ENPP3: variants seen among roughly 807,000 people sequenced by gnomAD.
ENPP3 encodes the protein ectonucleotide pyrophosphatase/phosphodiesterase 3.
ENPP3 carries 104 observed loss-of-function variants against 117.8 expected under a neutral mutation model. That is an observed-to-expected ratio of 0.88 (90% confidence interval 0.75 to 1.04). The LOEUF is 1.04. ENPP3 is among the 50% of genes least tolerant of loss of function. The probability of loss-of-function intolerance (pLI) is 0.00; values close to 1 mark genes in which losing one functional copy is unlikely to be tolerated. For synonymous variants in ENPP3, 380 were observed against 349.9 expected (o/e 1.09, Z -0.96); for missense variants, 1,026 against 1,051.9 (o/e 0.98, Z 0.34).
chr6:131,640,125 T>C (rs1411617473), intron 1 of ENPP3, among the ~76,000 whole-genome samples: 2 of 152,178 alleles, frequency 1.3e-5, no homozygotes, highest in African/African-American at 4.8e-5. Context: ...TAAGAACAGC[T>C]AGATGTTGTT....
chr6:131,727,920 C>A (rs1780193436), intron 20 of ENPP3, among the ~76,000 whole-genome samples: 1 of 152,244 alleles, frequency 6.6e-6, no homozygotes. Flanking sequence ...TTTACCTACT[C>A]TTCCTGTTCC....
At chr6:131,733,077 A>G (rs1389795619) in intron 20 of ENPP3, among the ~76,000 whole-genome samples, 2 of 152,156 alleles carry the variant, frequency 1.3e-5, no homozygotes, top group Admixed American at 1.3e-4. Flanking sequence ...TGAATGAAGC[A>G]TGGCTGTAAA....
In ENPP3 at chr6:131,677,649, C is replaced by T. The variant is rs539015042; in HGVS notation, c.939-219C>T. ...ACAAAACAGAGTTTCACAATAGGGG[C>T]GTACCACTGCTTGTATCTGGGAAGG... On this transcript the variant is annotated intron_variant, in intron 10 of 24. Coordinates refer to ENST00000357639, the MANE Select transcript of ENPP3 (RefSeq NM_005021.5). 1.1e-4 allele frequency among the ~76,000 whole-genome samples: 17 copies of T among 152,152 alleles called. No individual in the cohort carries two copies. The East Asian group carries it at 1.4e-3, about 12-fold the overall frequency.
At chr6:131,698,102 G>GGTGT (rs748290127) in intron 15 of ENPP3, among the ~76,000 whole-genome samples, 1 of 151,700 alleles carries the variant, frequency 6.6e-6, no homozygotes, top group Non-Finnish European at 1.5e-5. Flanking sequence ...TATGTGTGTG[G>GGTGT]GTGTGTGTGT....
At chr6:131,643,935 G>T (rs938239429) in intron 2 of ENPP3, among the ~76,000 whole-genome samples, 1 of 139,004 alleles carries the variant, frequency 7.2e-6, no homozygotes, top group African/African-American at 3.1e-5. Context: ...GTGTGTGTGT[G>T]TGTGTGTCTG....
At chr6:131,670,257 T>C (rs1000254895) in intron 6 of ENPP3, among the ~76,000 whole-genome samples, 39 of 152,244 alleles carry the variant, frequency 2.6e-4, no homozygotes, top group African/African-American at 8.9e-4. Flanking sequence ...CTTTTTCATT[T>C]GTCTAGACAG....
intron 1 of ENPP3, chr6:131,638,439 T>A (rs899753372): frequency 4.6e-6 from 2 of 438,460 alleles, no homozygotes; most frequent in Non-Finnish European, 4.5e-6. Context: ...TTTAATTTTA[T>A]TTTTGAGACA....
intron 6 of ENPP3, among the ~76,000 whole-genome samples, chr6:131,665,778 T>A (rs1394998555): frequency 2.0e-5 from 3 of 152,148 alleles, no homozygotes; most frequent in African/African-American, 7.2e-5. Context: ...TTTAGTTTGT[T>A]CCTTTTTCTG....
chr6:131,728,517 C>G (rs453639), intron 20 of ENPP3, among the ~76,000 whole-genome samples: 1 of 152,014 alleles, frequency 6.6e-6, no homozygotes, highest in South Asian at 2.1e-4. Flanking sequence ...TTCTCCTTCC[C>G]TGTGACAGGA....
intron 15 of ENPP3, among the ~76,000 whole-genome samples, chr6:131,698,281 G>T (rs1239920498): frequency 2.0e-5 from 3 of 148,810 alleles, no homozygotes; most frequent in Non-Finnish European, 4.5e-5. Flanking sequence ...AATGTCTATT[G>T]TGAAATGGAG....
chr6:131,677,864 C>T lies in ENPP3; in HGVS notation c.939-4C>T, dbSNP rs1317598992. ...ATATATTTCTGTTTCAATTTTACCC[C>T]TAGACCCAGGTTTTATACCATGTAT... On this transcript the variant is annotated splice_region_variant and splice_polypyrimidine_tract_variant and intron_variant, in intron 10 of 24. Transcript: ENST00000357639. The T allele has an allele frequency of 3.8e-6, 6 of 1,591,564 alleles. No homozygotes were observed. The highest frequency in any genetic ancestry group is 5.2e-6 in the Non-Finnish European group (6 of 1,159,932).
At chr6:131,669,672 A>G (rs1037909585) in intron 6 of ENPP3, among the ~76,000 whole-genome samples, 4 of 148,244 alleles carry the variant, frequency 2.7e-5, no homozygotes, top group East Asian at 2.0e-4. Flanking sequence ...AAAAAAAAAA[A>G]AAAAAAAGAA....
At chr6:131,661,960 G>A (rs1262292844) in intron 6 of ENPP3, among the ~76,000 whole-genome samples, 2 of 152,162 alleles carry the variant, frequency 1.3e-5, no homozygotes, top group Non-Finnish European at 2.9e-5. Flanking sequence ...TCATGTTCAT[G>A]AAATCATTGC....
At chr6:131,729,453 A>C (rs1780228018) in intron 20 of ENPP3, among the ~76,000 whole-genome samples, 1 of 152,250 alleles carries the variant, frequency 6.6e-6, no homozygotes, top group Non-Finnish European at 1.5e-5. Flanking sequence ...CCAGACTAAA[A>C]GTACAAGCAG....
intron 15 of ENPP3, chr6:131,709,491 A>C (rs772106528): frequency 6.2e-7 from 1 of 1,612,846 alleles, no homozygotes; most frequent in Non-Finnish European, 8.5e-7. Flanking sequence ...CTGTATTTGA[A>C]ACATCGAGTG....
intron 18 of ENPP3, among the ~76,000 whole-genome samples, chr6:131,723,777 C>G (rs767493041): frequency 4.7e-5 from 7 of 150,464 alleles, no homozygotes; most frequent in Non-Finnish European, 1.0e-4. Flanking sequence ...ATGCTTTGCC[C>G]CATTATCAAT....
chr6:131,637,483 T>C, intron 1 of ENPP3, 21 bp downstream of exon 1: 2 of 1,325,796 alleles, frequency 1.5e-6, no homozygotes, highest in African/African-American at 1.5e-5. Flanking sequence ...TTCTTATTTT[T>C]AGTCTTTCTA....
rs1292284422 is a variant in ENPP3, at chr6:131,675,151, A to G, written c.834A>G (p.Ile278Met). The change falls in exon 9 of 25, where the codon ATA becomes ATG. Residue 278 changes from isoleucine (I) to methionine (M), a missense_variant. Transcript: ENST00000357639. ...TTTGGCCCGGATCAGAAGTGGCTAT[A>G]AATGGCTCCTTTCCTTCCATATACA... is the stretch of plus-strand genomic sequence containing the variant. Reference protein sequence around the residue: ...TYFWPGSEVAINGSFPSIYMP... With the variant: ...TYFWPGSEVAMNGSFPSIYMP... 1 of 1,613,252 alleles carries G rather than the reference A, an allele frequency of 6.2e-7. No individual in the cohort carries two copies. Among genetic ancestry groups the G allele is most frequent in the South Asian group, 1.1e-5 (1 of 91,056 alleles).
intron 6 of ENPP3, among the ~76,000 whole-genome samples, chr6:131,669,424 G>A (rs1247988199): frequency 2.0e-5 from 3 of 151,974 alleles, no homozygotes; most frequent in African/African-American, 7.3e-5. Context: ...TATAATCCCA[G>A]CACTTTGGGA....
Sources: allele counts gnomAD v4.1 joint callset (sites outside exome capture counted in the v4.1 genomes callset), GRCh38; gene constraint gnomAD v4.1.1; transcripts MANE v1.5; gene names NCBI Gene and HGNC (gene_info 2026-07-23, HGNC 2026-07-21).